Variants in DRC11 observed in about 807,000 individuals in gnomAD.
The protein encoded by DRC11 is IQ and AAA domain-containing protein 1.
At chr2:236,408,511 C>T in the DRC11 span, 2 of 732,984 alleles carry the variant, frequency 2.7e-6, no homozygotes, top group Admixed American at 3.5e-5. This position sits in a 1 kb window ranked among gnomAD's most constrained non-coding sequence, Gnocchi z 5.5. Context: ...GGCCACGGTG[C>T]CTCTGTTCAC....
chr2:236,493,920 C>T, the DRC11 span: 1 of 1,548,244 alleles, frequency 6.5e-7, no homozygotes, highest in Non-Finnish European at 8.7e-7. Context: ...AAGAGTATTT[C>T]CGTCACAATG....
the DRC11 span, among the ~76,000 whole-genome samples, chr2:236,314,040 A>T: frequency 1.3e-5 from 2 of 152,308 alleles, no homozygotes; most frequent in East Asian, 3.9e-4. This position sits in a 1 kb window ranked among gnomAD's most constrained non-coding sequence, Gnocchi z 4.5. Context: ...AACTTAATAC[A>T]TATGCATATA....
the DRC11 span, among the ~76,000 whole-genome samples, chr2:236,393,963 T>C: frequency 6.6e-6 from 1 of 152,172 alleles, no homozygotes; most frequent in African/African-American, 2.4e-5. This position sits in a 1 kb window ranked among gnomAD's most constrained non-coding sequence, Gnocchi z 4.7. Flanking sequence ...CACGCTGATA[T>C]GGTGATGGTA....
the DRC11 span, among the ~76,000 whole-genome samples, chr2:236,379,836 G>A: frequency 7.8e-6 from 1 of 127,412 alleles, no homozygotes; most frequent in Non-Finnish European, 1.7e-5. Flanking sequence ...ACAGGGGAGC[G>A]ACAGGACCAA....
At chr2:236,396,302 C>CGGA in the DRC11 span, among the ~76,000 whole-genome samples, 7 of 60,256 alleles carry the variant, frequency 1.2e-4, 1 homozygote, top group Non-Finnish European at 2.2e-4. Flanking sequence ...GAAAGAGGGG[C>CGGA]GGGGGGGGGT....
chr2:236,395,116 T>A, the DRC11 span, among the ~76,000 whole-genome samples: 2 of 151,912 alleles, frequency 1.3e-5, no homozygotes, highest in African/African-American at 4.8e-5. Flanking sequence ...GCCCAGGGAT[T>A]GGGGGCACAG....
At chr2:236,493,219 C>A in the DRC11 span, among the ~76,000 whole-genome samples, 1 of 152,086 alleles carries the variant, frequency 6.6e-6, no homozygotes, top group African/African-American at 2.4e-5. Context: ...ATCACAAGAA[C>A]GGCACAGGAA....
the DRC11 span, among the ~76,000 whole-genome samples, chr2:236,401,164 C>G: frequency 6.6e-6 from 1 of 152,172 alleles, no homozygotes; most frequent in Non-Finnish European, 1.5e-5. The surrounding 1 kb of genome is among the most constrained non-coding windows in gnomAD (Gnocchi z 4.6). Flanking sequence ...AGGAGTGCCC[C>G]CGCCCACCTC....
chr2:236,349,909 T>C, the DRC11 span, among the ~76,000 whole-genome samples: 3 of 152,268 alleles, frequency 2.0e-5, no homozygotes, highest in African/African-American at 7.2e-5. This position sits in a 1 kb window ranked among gnomAD's most constrained non-coding sequence, Gnocchi z 5.5. Context: ...AGCAACCGTC[T>C]CTTGTCTTAG....
chr2:236,497,502 A>G, the DRC11 span: 1 of 1,567,434 alleles, frequency 6.4e-7, no homozygotes, highest in Non-Finnish European at 8.7e-7. This position sits in a 1 kb window ranked among gnomAD's most constrained non-coding sequence, Gnocchi z 5.1. Flanking sequence ...GGGAAGAGAG[A>G]GAATTTAGAT....
At chr2:236,500,515 T>A in the DRC11 span, among the ~76,000 whole-genome samples, 519 of 152,214 alleles carry the variant, frequency 3.4e-3, 3 homozygotes, top group African/African-American at 0.012. This position sits in a 1 kb window ranked among gnomAD's most constrained non-coding sequence, Gnocchi z 6.3. Context: ...TAGAATCCCA[T>A]CCCCAGCACG....
the DRC11 span, among the ~76,000 whole-genome samples, chr2:236,354,633 C>G: frequency 6.6e-6 from 1 of 152,194 alleles, no homozygotes. Context: ...CCGAGTGTTT[C>G]TGGGTTGCCT....
At chr2:236,309,930 G>A in the DRC11 span, among the ~76,000 whole-genome samples, 6 of 152,316 alleles carry the variant, frequency 3.9e-5, no homozygotes, top group East Asian at 1.9e-4. This position sits in a 1 kb window ranked among gnomAD's most constrained non-coding sequence, Gnocchi z 5.7. Context: ...CTTGGCCACC[G>A]GAGGAGCAAT....
chr2:236,393,034 G>A, the DRC11 span, among the ~76,000 whole-genome samples: 2 of 152,180 alleles, frequency 1.3e-5, no homozygotes, highest in African/African-American at 4.8e-5. The surrounding 1 kb of genome is among the most constrained non-coding windows in gnomAD (Gnocchi z 4.7). Context: ...TTTCTCAGAA[G>A]GGAGGTTCCA....
At chr2:236,459,660 C>CGTATATATGTATATACATAT in the DRC11 span, among the ~76,000 whole-genome samples, 2 of 101,508 alleles carry the variant, frequency 2.0e-5, no homozygotes, top group Admixed American at 2.0e-4. Flanking sequence ...TATGTATATA[C>CGTATATATGTATATACATAT]ATACGTATAT....
chr2:236,326,579 G>A, the DRC11 span, among the ~76,000 whole-genome samples: 2 of 151,688 alleles, frequency 1.3e-5, no homozygotes, highest in Non-Finnish European at 2.9e-5. Flanking sequence ...TCAGACCTTA[G>A]CTTCTGACTC....
At chr2:236,345,553 C>T in the DRC11 span, among the ~76,000 whole-genome samples, 6 of 152,262 alleles carry the variant, frequency 3.9e-5, no homozygotes, top group East Asian at 5.8e-4. Flanking sequence ...CGGGCCCCCA[C>T]GAGGCTATTT....
chr2:236,407,871 T>G, the DRC11 span: 4 of 369,870 alleles, frequency 1.1e-5, 1 homozygote, highest in Non-Finnish European at 2.1e-5. Flanking sequence ...TACTGCAATT[T>G]GGTCTTTCTT....
chr2:236,409,519 G>A, the DRC11 span, among the ~76,000 whole-genome samples: 1 of 152,078 alleles, frequency 6.6e-6, no homozygotes, highest in African/African-American at 2.4e-5. Context: ...CTGAGACAAT[G>A]GGGTTTTCTA....
Sources: allele counts gnomAD v4.1 joint callset (sites outside exome capture counted in the v4.1 genomes callset), GRCh38; gene constraint gnomAD v4.1.1; non-coding constraint Gnocchi (gnomAD v3.1); transcripts MANE v1.5; gene names NCBI Gene and HGNC (gene_info 2026-07-23, HGNC 2026-07-21).